The following COL4A4 variants were observed in gnomAD, a reference collection of about 807,000 sequenced individuals.
COL4A4 encodes collagen type IV alpha 4 chain, also known as collagen alpha-4(IV) chain.
In COL4A4, 105 loss-of-function variants were observed where a neutral mutation model predicts 192.9. The observed-to-expected ratio is 0.54, with a 90% CI of 0.46 to 0.64. The LOEUF is 0.64. Among genes scored for constraint, COL4A4 ranks in the 30% least tolerant of loss-of-function variants. The pLI is 0.00. For synonymous variants in COL4A4, 762 were observed against 769.9 expected (o/e 0.99, Z 0.17); for missense variants, 1,967 against 2,169.3 (o/e 0.91, Z 1.85).
intron 14 of COL4A4, 117 bp from the exon 15 acceptor site, chr2:227,102,965 A>G: frequency 8.3e-7 from 1 of 1,204,620 alleles, no homozygotes; most frequent in Non-Finnish European, 1.2e-6. Flanking sequence ...TATTGTCAGC[A>G]GCTTAAAGAA....
rs1211067829 is a variant in COL4A4 at position 227,045,957 on chromosome 2, ATG to A, written c.3289+1516_3289+1517del. On this transcript the variant is annotated intron_variant, in intron 35 of 47. Transcript: ENST00000396625. ...TATGTATATATGTATATATGTATAT[ATG>A]TATATATTTATATGTGTATATGTAT... Among the ~76,000 whole-genome samples, 77 of 89,620 alleles carry A rather than the reference ATG, an allele frequency of 8.6e-4. 3 individuals are homozygous for A. Among genetic ancestry groups the A allele is most frequent in the African/African-American group, 3.8e-3 (73 of 19,256 alleles). 58.8% of individuals were successfully genotyped at this position (89,620 alleles called of 152,430 possible).
intron 8 of COL4A4, among the ~76,000 whole-genome samples, chr2:227,112,048 G>T (rs1318910406): frequency 5.9e-5 from 9 of 152,048 alleles, no homozygotes; most frequent in Non-Finnish European, 1.2e-4. Context: ...TCCACACCTT[G>T]CTATGCTTTA....
At chr2:227,045,929 A>G (rs1356533002) in intron 35 of COL4A4, among the ~76,000 whole-genome samples, 1 of 60,180 alleles carries the variant, frequency 1.7e-5, no homozygotes, top group African/African-American at 1.0e-4. Context: ...ATGTATATGT[A>G]TATATGTATA....
intron 34 of COL4A4, among the ~76,000 whole-genome samples, chr2:227,048,048 C>G (rs1973268864): frequency 6.6e-6 from 1 of 152,124 alleles, no homozygotes; most frequent in Non-Finnish European, 1.5e-5. Flanking sequence ...TCAAAAGCCA[C>G]TGTAGGCCAT....
At chr2:227,080,349 A>G (rs1279673098) in intron 24 of COL4A4, 94 bp downstream of exon 24, 2 of 1,151,086 alleles carry the variant, frequency 1.7e-6, no homozygotes, top group African/African-American at 3.0e-5. Flanking sequence ...TATTTTACTG[A>G]ATTTCAGCTT....
At chr2:226,977,028 G>A in the COL4A4 span, among the ~76,000 whole-genome samples, 7 of 152,330 alleles carry the variant, frequency 4.6e-5, no homozygotes, top group Admixed American at 3.3e-4. Flanking sequence ...TTCAGGCTGG[G>A]ATAAGGCTGG....
chr2:227,067,085 G>C (rs1239125093), intron 25 of COL4A4, among the ~76,000 whole-genome samples: 1 of 151,912 alleles, frequency 6.6e-6, no homozygotes, highest in Non-Finnish European at 1.5e-5. Context: ...TGATAAAACA[G>C]ACTTTAAACC....
chr2:227,104,937 G>A lies in COL4A4; in HGVS notation c.736-885C>T, dbSNP rs567060389. On this transcript the variant is annotated intron_variant, in intron 12 of 47. Transcript: ENST00000396625. ...ATTACAAGCGTGAGCCACCGCACCC[G>A]GCCTATTAAAACTTTGATATAATTT... Among the ~76,000 whole-genome samples, 13 of 150,638 alleles carry A rather than the reference G, an allele frequency of 8.6e-5. No individual in the cohort carries two copies. The East Asian group carries it at 2.0e-3, about 23-fold the overall frequency.
In COL4A4 at chr2:227,025,811, C is replaced by G; in HGVS notation, c.4082-1G>C. On this transcript the variant is annotated splice_acceptor_variant, in intron 42 of 47. Coordinates refer to ENST00000396625, the MANE Select transcript of COL4A4 (RefSeq NM_000092.5). LOFTEE classifies it high-confidence loss of function. ...TTATAGCAAAGCTTACCTCTGGGACCTAGAGGGATCCAAAGACAACAAACG... is the reference window on the plus strand; with the variant it reads ...TTATAGCAAAGCTTACCTCTGGGACGTAGAGGGATCCAAAGACAACAAACG... 1.2e-6 allele frequency: 2 copies of G among 1,613,086 alleles called. No homozygotes were observed. Among genetic ancestry groups the G allele is most frequent in the Non-Finnish European group, 1.7e-6 (2 of 1,179,480 alleles).
Position 227,043,108 on chromosome 2 carries a change from T to C in COL4A4, c.3366A>G (p.Pro1122=), listed in dbSNP as rs1298743024. ...ACCCTGGTGGTCCAGAGGAGCCAGG[T>C]GGCCCTGGCCTTCCAGGTGATCCTC... The part of the protein sequence containing the change: ...GPRGSPGRPG[P]PGSSGPPGCP... The change falls in exon 36 of 48, where the codon CCA becomes CCG. Residue 1122 remains proline, a synonymous_variant. Transcript: ENST00000396625. 4.3e-6 allele frequency: 7 copies of C among 1,613,756 alleles called. No homozygotes were observed. The South Asian group carries it at 6.6e-5, about 15-fold the overall frequency.
At position 227,042,140 on chromosome 2, in the gene COL4A4, T is replaced by C. The variant is rs2150094257; in HGVS notation, c.3505+8A>G. ...CTTTCTTGTGGGATGGGCTTCATTTTGACTTACCTTTTATTCCCGGAGGAC... is the reference window on the plus strand; with the variant it reads ...CTTTCTTGTGGGATGGGCTTCATTTCGACTTACCTTTTATTCCCGGAGGAC... On this transcript the variant is annotated splice_region_variant and intron_variant, in intron 37 of 47. Transcript: ENST00000396625. 2 of 1,563,656 alleles carry C rather than the reference T, an allele frequency of 1.3e-6. No individual in the cohort carries two copies. The highest frequency in any genetic ancestry group is 3.3e-5 in the Admixed American group (2 of 59,958).
chr2:227,103,697 C>T (rs543248239), intron 13 of COL4A4, among the ~76,000 whole-genome samples: 4 of 152,218 alleles, frequency 2.6e-5, no homozygotes, highest in African/African-American at 4.8e-5. Flanking sequence ...TCAATCCACA[C>T]GTCAAAACAA....
At chr2:227,131,357 A>G (rs902106893) in intron 4 of COL4A4, among the ~76,000 whole-genome samples, 1 of 151,976 alleles carries the variant, frequency 6.6e-6, no homozygotes, top group Non-Finnish European at 1.5e-5. Context: ...GGTTTTCGCC[A>G]TGTTAGCCAG....
rs765866000 is a variant in COL4A4 at position 227,088,733 on chromosome 2, C to T, written c.1543G>A (p.Gly515Arg). 1.2e-6 allele frequency: 2 copies of T among 1,614,086 alleles called. No individual in the cohort carries two copies. Among genetic ancestry groups the T allele is most frequent in the Admixed American group, 1.7e-5 (1 of 60,022 alleles). The change falls in exon 22 of 48, where the codon GGA (glycine) becomes AGA (arginine). Residue 515 changes from glycine (G) to arginine (R), a missense_variant. Transcript: ENST00000396625. ...PGLPGRQGSK[G>R]DLGLPGWLGT... ...AGCCAGCCAGGGAGCCCCAAGTCTC[C>T]CTTACTCCCCTGCCTCCCAGGAAGT...
rs879255339 is a variant in COL4A4, at chr2:227,059,441, C to T, written c.2347G>A (p.Gly783Arg). 9.3e-6 allele frequency: 15 copies of T among 1,614,038 alleles called. No individual in the cohort carries two copies. Among genetic ancestry groups the T allele is most frequent in the Non-Finnish European group, 1.2e-5 (14 of 1,180,036 alleles). Reference protein sequence around the residue: ...RGLSGVPGIKGPRGDPGCPGA... With the variant: ...RGLSGVPGIKRPRGDPGCPGA... Reference sequence around the variant, plus strand: ...GGACATCCCGGATCACCTCTGGGTCCTTTTATCCCTGGCACTCCTGAAAGA... The same window carrying T: ...GGACATCCCGGATCACCTCTGGGTCTTTTTATCCCTGGCACTCCTGAAAGA... Residue 783 changes from glycine to arginine, a missense_variant, in exon 28 of 48, where the codon GGA becomes AGA. By Grantham distance (125) the Gly-to-Arg change is moderately radical. Transcript: ENST00000396625.
intron 9 of COL4A4, among the ~76,000 whole-genome samples, chr2:227,111,061 C>A (rs946701623): frequency 6.6e-6 from 1 of 152,178 alleles, no homozygotes; most frequent in Admixed American, 6.5e-5. Context: ...CTGGTCTGGG[C>A]GGCCCTCGGT....
At position 227,114,737 on chromosome 2, in the gene COL4A4, T is replaced by C. The variant is rs777081748; in HGVS notation, c.490-41A>G. 3.5e-6 allele frequency: 5 copies of C among 1,430,946 alleles called. No individual in the cohort carries two copies. In the African/African-American group the frequency reaches 4.2e-5, roughly 12 times the overall value. The allele number at this position is 1,430,946 out of a possible 1,614,324, so 88.6% of individuals were successfully genotyped here. A position where few individuals can be genotyped will look rare whatever the true frequency, so the allele number is the denominator to read the frequency against. On this transcript the variant is annotated intron_variant, in intron 7 of 47. Transcript: ENST00000396625. Reference sequence around the variant, plus strand: ...GTATGTACTTAACAGGAAAATAGCATATTACCATTTCAGTATTTTCTTTTC... The same window carrying C: ...GTATGTACTTAACAGGAAAATAGCACATTACCATTTCAGTATTTTCTTTTC...
At chr2:227,163,825 C>A (rs774405529) in intron 1 of COL4A4, among the ~76,000 whole-genome samples, 182 bp downstream of exon 1, 3 of 152,188 alleles carry the variant, frequency 2.0e-5, no homozygotes, top group African/African-American at 7.2e-5. Context: ...ACACACAGCA[C>A]CCAGTTAAAG....
intron 4 of COL4A4, among the ~76,000 whole-genome samples, chr2:227,136,081 G>A (rs1177544669): frequency 6.6e-6 from 1 of 152,218 alleles, no homozygotes; most frequent in East Asian, 1.9e-4. Context: ...TTTCAAGGGT[G>A]TCCACAGTGG....
Sources: gnomAD v4.1 joint callset for allele counts (sites outside exome capture counted in the v4.1 genomes callset) on GRCh38, gnomAD v4.1.1 for gene constraint, MANE v1.5 for transcripts, NCBI Gene and HGNC (gene_info 2026-07-23, HGNC 2026-07-21) for gene names.